UBAP2L: variants seen among roughly 807,000 people sequenced by gnomAD.
UBAP2L encodes ubiquitin-associated protein 2-like.
A neutral mutation model predicts 130.6 loss-of-function variants in UBAP2L; 12 were observed. The ratio of observed to expected loss-of-function variants is 0.09; its 90% CI spans 0.06 to 0.15. UBAP2L has a LOEUF of 0.15. Ranked by LOEUF, UBAP2L falls within the 10% of genes least tolerant of loss-of-function variation. UBAP2L has a pLI of 1.00. For missense variants in UBAP2L, 965 were observed against 1,332.5 expected (o/e 0.72, Z 4.29); for synonymous variants, 503 against 524.7 (o/e 0.96, Z 0.57).
At chr1:154,266,353 C>A (rs2149083544) in intron 24 of UBAP2L, 148 bp from the exon 25 acceptor site, 1 of 769,240 alleles carries the variant, frequency 1.3e-6, no homozygotes, top group East Asian at 2.5e-5. Flanking sequence ...TGAACTCTTA[C>A]CTCTCAGGAC....
chr1:154,220,697 C>A, upstream of UBAP2L: 1 of 459,766 alleles, frequency 2.2e-6, no homozygotes, highest in Non-Finnish European at 4.0e-6. Flanking sequence ...GAAGCGGCGG[C>A]CATCCGTGCG....
At chr1:154,260,568 T>C (rs1681228868) in intron 22 of UBAP2L, among the ~76,000 whole-genome samples, 1 of 152,174 alleles carries the variant, frequency 6.6e-6, no homozygotes, top group African/African-American at 2.4e-5. Context: ...CATGGGGTAT[T>C]CCCCATGGAG....
At chr1:154,243,964 A>G (rs867159732) in intron 10 of UBAP2L, among the ~76,000 whole-genome samples, 2 of 152,276 alleles carry the variant, frequency 1.3e-5, no homozygotes, top group East Asian at 3.9e-4. Context: ...TTTATTTCTG[A>G]ATCTTTTAGA....
intron 24 of UBAP2L, chr1:154,263,310 A>G (rs1682192838): frequency 1.2e-5 from 17 of 1,431,482 alleles, no homozygotes; most frequent in Non-Finnish European, 1.5e-5. Context: ...GGGCTTTTGA[A>G]CTTGCCCCTC....
intron 3 of UBAP2L, among the ~76,000 whole-genome samples, chr1:154,227,608 A>G (rs1400884379): frequency 2.0e-5 from 3 of 150,654 alleles, no homozygotes; most frequent in African/African-American, 7.3e-5. Flanking sequence ...GTGCAGTGGC[A>G]TGATCTTGGC....
In UBAP2L at chr1:154,251,206, C is replaced by T. The variant is rs745858561; in HGVS notation, c.1379C>T (p.Ser460Phe). ...PPPSSPLPSK[S>F]TSAPQMSPGS... ...CCGTCTTCTCCTCTGCCAAGCAAAT[C>T]CACATCGGCTCCACAGATGTCGCCT... The change falls in exon 13 of 27, where the codon TCC becomes TTC. Residue 460 changes from serine to phenylalanine, a missense_variant. Transcript: ENST00000428931. The T allele has an allele frequency of 3.7e-6, 6 of 1,614,192 alleles. No individual in the cohort carries two copies. Among genetic ancestry groups the T allele is most frequent in the Non-Finnish European group, 5.1e-6 (6 of 1,180,042 alleles).
At chr1:154,238,951 G>A (rs1011723261) in intron 8 of UBAP2L, among the ~76,000 whole-genome samples, 11 of 151,662 alleles carry the variant, frequency 7.3e-5, no homozygotes, top group African/African-American at 2.4e-4. Context: ...ATGTTGGCCA[G>A]GCTGGTCTCA....
intron 11 of UBAP2L, among the ~76,000 whole-genome samples, chr1:154,247,887 A>G (rs994346075): frequency 6.6e-6 from 1 of 152,124 alleles, no homozygotes; most frequent in African/African-American, 2.4e-5. Context: ...TAATAGAGCT[A>G]AATAACATGG....
At chr1:154,231,222 T>G (rs760235457) in intron 4 of UBAP2L, among the ~76,000 whole-genome samples, 1 of 149,938 alleles carries the variant, frequency 6.7e-6, no homozygotes, top group Non-Finnish European at 1.5e-5. Flanking sequence ...ACACCTGGGT[T>G]CAAGCAATCC....
intron 12 of UBAP2L, among the ~76,000 whole-genome samples, chr1:154,249,864 CAA>C (rs1187501487): frequency 5.7e-4 from 35 of 61,108 alleles, no homozygotes; most frequent in Admixed American, 9.8e-4. Flanking sequence ...TAGCTTTCCG[CAA>C]AAAAAAAAAA....
At chr1:154,262,036 G>A (rs1256114296) in intron 24 of UBAP2L, among the ~76,000 whole-genome samples, 1 of 152,226 alleles carries the variant, frequency 6.6e-6, no homozygotes, top group Admixed American at 6.5e-5. Context: ...TAGTATGTAT[G>A]GCACTGATAG....
At position 154,270,714 on chromosome 1, in the gene UBAP2L, G is replaced by T. The variant is rs1191710900; in HGVS notation, c.*419G>T. On this transcript the variant is annotated 3_prime_UTR_variant, in exon 27 of 27. Coordinates refer to ENST00000428931, the MANE Select transcript of UBAP2L (RefSeq NM_014847.4). ...AACAACAACAACAAACAAAAAAATG[G>T]CGTCATGAATATGAACAGCATTGTC... The T allele has an allele frequency of 1.4e-6, 2 of 1,405,706 alleles. No homozygotes were observed. Among genetic ancestry groups the T allele is most frequent in the Non-Finnish European group, 1.8e-6 (2 of 1,086,342 alleles). The allele number at this position is 1,405,706 out of a possible 1,614,324, so 87.1% of individuals were successfully genotyped here. A position where few individuals can be genotyped will look rare whatever the true frequency, so the allele number is the denominator to read the frequency against.
chr1:154,227,165 T>A, intron 2 of UBAP2L, 117 bp from the exon 3 acceptor site: 1 of 828,732 alleles, frequency 1.2e-6, no homozygotes. Flanking sequence ...GCTTTATTAC[T>A]TGCTCATTTG....
rs1681388563 is a variant in UBAP2L at position 154,261,080 on chromosome 1, A to G, written c.2767A>G (p.Thr923Ala). Residue 923 changes from threonine (T) to alanine (A), a missense_variant, in exon 23 of 27, where the codon ACC becomes GCC. Physicochemically the swap from Thr to Ala is moderately conservative, Grantham distance 58. Around this residue, in one of 9 missense-constraint regions of UBAP2L, gnomAD observed 194 missense variants for 334.0 expected, o/e 0.58. Coordinates refer to ENST00000428931, the MANE Select transcript of UBAP2L (RefSeq NM_014847.4). The part of the protein sequence containing the change: ...YYTGVPGLPS[T>A]FQYGPAVFPV... ...TACAGGGGTCCCGGGCCTCCCCAGC[A>G]CCTTCCAGTATGGGCCTGCTGTGTT... 6.2e-7 allele frequency: 1 copy of G among 1,614,038 alleles called. No individual in the cohort carries two copies. The highest frequency in any genetic ancestry group is 8.5e-7 in the Non-Finnish European group (1 of 1,179,990).
chr1:154,239,030 C>T lies in UBAP2L; in HGVS notation c.703+1894C>T, dbSNP rs150387430. Among the ~76,000 whole-genome samples, 627 of 152,240 alleles carry T rather than the reference C, an allele frequency of 4.1e-3. 3 individuals carry two copies. The highest frequency in any genetic ancestry group is 0.012 in the East Asian group (64 of 5,176). Reference sequence around the variant, plus strand: ...TGCTGGGATTACAGGTGTGAGCCACCACGCCTGGTCGTTGTTAATTTCATG... The same window carrying T: ...TGCTGGGATTACAGGTGTGAGCCACTACGCCTGGTCGTTGTTAATTTCATG... On this transcript the variant is annotated intron_variant, in intron 8 of 26. Coordinates refer to ENST00000428931, the MANE Select transcript of UBAP2L (RefSeq NM_014847.4).
At position 154,268,852 on chromosome 1, in the gene UBAP2L, C is replaced by T. The variant is rs1415691526; in HGVS notation, c.3066C>T (p.Ala1022=). The change falls in exon 26 of 27, where the codon GCC becomes GCT. Residue 1022 remains alanine (A), a synonymous_variant. Coordinates refer to ENST00000428931, the MANE Select transcript of UBAP2L (RefSeq NM_014847.4). ...GAAGTGGGGGCCCCATCAATCCGGC[C>T]ACAGCTGCTGCCTACCCACCTGCCC... ...ALGSGGPINP[A]TAAAYPPAPF... The T allele has an allele frequency of 6.2e-7, 1 of 1,614,176 alleles. No homozygotes were observed. The highest frequency in any genetic ancestry group is 1.7e-5 in the Admixed American group (1 of 60,026).
intron 24 of UBAP2L, chr1:154,263,311 C>T: frequency 1.4e-6 from 2 of 1,433,482 alleles, no homozygotes; most frequent in South Asian, 1.5e-5. Context: ...GGCTTTTGAA[C>T]TTGCCCCTCC....
intron 4 of UBAP2L, 109 bp from the exon 5 acceptor site, chr1:154,234,482 T>G (rs747396583): frequency 1.8e-5 from 21 of 1,173,958 alleles, no homozygotes; most frequent in Admixed American, 1.0e-4. Context: ...GTTTTAGACA[T>G]GGATGCTGAG....
rs185965418 is a variant in UBAP2L, at chr1:154,244,509, A to G, written c.842+1207A>G. Among the ~76,000 whole-genome samples the G allele has an allele frequency of 4.6e-5, 7 of 152,088 alleles. No homozygotes were observed. In the East Asian group the frequency reaches 1.4e-3, roughly 30 times the overall value. ...TGCCTCAGCCTCCCTAGTATCTGGG[A>G]TTACAGGCATGCACCACTATACCCA... On this transcript the variant is annotated intron_variant, in intron 10 of 26. Transcript: ENST00000428931.
Sources: allele counts gnomAD v4.1 joint callset (sites outside exome capture counted in the v4.1 genomes callset), GRCh38; gene constraint gnomAD v4.1.1; regional missense constraint gnomAD v4.1.1; transcripts MANE v1.5; gene names NCBI Gene and HGNC (gene_info 2026-07-23, HGNC 2026-07-21).